The following HMGCLL1 variants were observed in gnomAD, a reference collection of about 807,000 sequenced individuals.
HMGCLL1 encodes the protein 3-hydroxymethyl-3-methylglutaryl-CoA lyase, cytoplasmic.
HMGCLL1 carries 36 observed loss-of-function variants against 39.1 expected under a neutral mutation model. That is an observed-to-expected ratio of 0.92 (90% CI 0.71 to 1.22). HMGCLL1 has a LOEUF of 1.22. HMGCLL1 is among the 50% of genes most tolerant of loss of function. The pLI is 0.00. For missense variants in HMGCLL1, 451 were observed against 416.5 expected, an observed-to-expected ratio of 1.08 and a Z score of -0.72; for synonymous variants, 149 against 144.0, an observed-to-expected ratio of 1.03 and a Z score of -0.25.
chr6:55,538,368 T>TC (rs1769148929), intron 3 of HMGCLL1, among the ~76,000 whole-genome samples: 1 of 152,164 alleles, frequency 6.6e-6, no homozygotes, highest in South Asian at 2.1e-4. Context: ...CTATTCAGTT[T>TC]CTCTCCAGCA....
At chr6:55,459,099 AG>A (rs1382831452) in intron 7 of HMGCLL1, among the ~76,000 whole-genome samples, 7 of 152,192 alleles carry the variant, frequency 4.6e-5, no homozygotes, top group Middle Eastern at 3.2e-3. Context: ...TGTCAAAATT[AG>A]TACAGAATGT....
At chr6:55,533,995 A>G (rs1181365001) in intron 3 of HMGCLL1, among the ~76,000 whole-genome samples, 1 of 152,118 alleles carries the variant, frequency 6.6e-6, no homozygotes, top group Non-Finnish European at 1.5e-5. Flanking sequence ...ATACAGGGAC[A>G]TAATTTCATT....
the HMGCLL1 span, among the ~76,000 whole-genome samples, chr6:55,648,311 A>G: frequency 6.6e-6 from 1 of 151,296 alleles, no homozygotes; most frequent in Non-Finnish European, 1.5e-5. Flanking sequence ...AAGAACTAGA[A>G]AAGCAAGAGC....
the HMGCLL1 span, among the ~76,000 whole-genome samples, chr6:55,600,587 GAC>G: frequency 6.6e-6 from 1 of 152,126 alleles, no homozygotes; most frequent in South Asian, 2.1e-4. Context: ...TATTGTTGAA[GAC>G]AACAATGTTC....
chr6:55,620,324 G>A, the HMGCLL1 span, among the ~76,000 whole-genome samples: 1 of 151,986 alleles, frequency 6.6e-6, no homozygotes. Context: ...GTGTACCAGG[G>A]TTCCCTTTTC....
chr6:55,633,991 A>T, the HMGCLL1 span, among the ~76,000 whole-genome samples: 5 of 152,052 alleles, frequency 3.3e-5, no homozygotes, highest in Non-Finnish European at 5.9e-5. Flanking sequence ...TAAATTTTGT[A>T]TTCTTATATC....
At chr6:55,638,208 C>T in the HMGCLL1 span, among the ~76,000 whole-genome samples, 6 of 151,878 alleles carry the variant, frequency 4.0e-5, no homozygotes, top group Non-Finnish European at 7.4e-5. Context: ...GAGTTCGAGA[C>T]TAGCCTGGCC....
chr6:55,670,984 A>G, the HMGCLL1 span, among the ~76,000 whole-genome samples: 2 of 151,852 alleles, frequency 1.3e-5, no homozygotes, highest in South Asian at 2.1e-4. Flanking sequence ...TATAGTAGCT[A>G]TATTAATACC....
intron 7 of HMGCLL1, among the ~76,000 whole-genome samples, chr6:55,491,066 A>T (rs1266790281): frequency 6.6e-6 from 1 of 152,142 alleles, no homozygotes; most frequent in Non-Finnish European, 1.5e-5. Context: ...CATTCTAGAA[A>T]TTCTGTATCT....
intron 3 of HMGCLL1, among the ~76,000 whole-genome samples, chr6:55,523,091 G>C (rs1768119647): frequency 6.6e-6 from 1 of 151,764 alleles, no homozygotes; most frequent in Non-Finnish European, 1.5e-5. Flanking sequence ...CCTTTTCCCT[G>C]ACCTGGTCAA....
chr6:55,459,189 C>T (rs1173361959), intron 7 of HMGCLL1, among the ~76,000 whole-genome samples: 2 of 152,070 alleles, frequency 1.3e-5, no homozygotes, highest in Non-Finnish European at 2.9e-5. Flanking sequence ...TAATTATTCA[C>T]TCACAAAAGG....
At chr6:55,647,745 CT>C in the HMGCLL1 span, among the ~76,000 whole-genome samples, 4,903 of 115,778 alleles carry the variant, frequency 0.042, 82 homozygotes, top group South Asian at 0.056. Context: ...TTTTTTTTTC[CT>C]TTTTTTTTTT....
intron 7 of HMGCLL1, among the ~76,000 whole-genome samples, chr6:55,482,663 G>T (rs2127414285): frequency 6.6e-6 from 1 of 152,102 alleles, no homozygotes; most frequent in Non-Finnish European, 1.5e-5. Context: ...AATGTTTACT[G>T]AACTGAAAAC....
At chr6:55,508,895 T>C (rs1298372490) in intron 5 of HMGCLL1, among the ~76,000 whole-genome samples, 2 of 151,762 alleles carry the variant, frequency 1.3e-5, no homozygotes, top group Non-Finnish European at 2.9e-5. Context: ...CAAAAGAATA[T>C]TTAATAATGA....
intron 1 of HMGCLL1, among the ~76,000 whole-genome samples, chr6:55,547,428 T>C (rs1020919939): frequency 2.0e-5 from 3 of 152,030 alleles, no homozygotes; most frequent in African/African-American, 7.2e-5. Context: ...TGATTGCTTA[T>C]TAGTCACCCT....
the HMGCLL1 span, among the ~76,000 whole-genome samples, chr6:55,660,938 T>C: frequency 6.6e-6 from 1 of 151,912 alleles, no homozygotes; most frequent in Admixed American, 6.6e-5. Context: ...TAGTATCTCA[T>C]TGCGGTTTTG....
At chr6:55,663,724 T>C in the HMGCLL1 span, among the ~76,000 whole-genome samples, 2 of 151,776 alleles carry the variant, frequency 1.3e-5, no homozygotes, top group Non-Finnish European at 2.9e-5. Context: ...GTCCTGAATA[T>C]TTTTGTTAAT....
At chr6:55,677,484 T>A in the HMGCLL1 span, among the ~76,000 whole-genome samples, 72 of 152,366 alleles carry the variant, frequency 4.7e-4, no homozygotes, top group Non-Finnish European at 7.1e-4. Context: ...ACTTTTAACA[T>A]CCAAGTTTGT....
intron 1 of HMGCLL1, among the ~76,000 whole-genome samples, chr6:55,571,539 C>T (rs918742461): frequency 6.6e-6 from 1 of 152,138 alleles, no homozygotes; most frequent in African/African-American, 2.4e-5. Context: ...GGCAAGGTGG[C>T]TCACGCCTGT....
Sources: allele counts gnomAD v4.1 joint callset (sites outside exome capture counted in the v4.1 genomes callset), GRCh38; gene constraint gnomAD v4.1.1; transcripts MANE v1.5; gene names NCBI Gene and HGNC (gene_info 2026-07-23, HGNC 2026-07-21).